Variants in ELFN2 observed in about 807,000 individuals in gnomAD.
ELFN2 encodes the protein extracellular leucine rich repeat and fibronectin type III domain containing 2.
Under a neutral mutation model 45.5 loss-of-function variants are expected in ELFN2, and 17 were observed. The ratio of observed to expected loss-of-function variants is 0.37; its 90% CI spans 0.26 to 0.56. The LOEUF (loss-of-function observed/expected upper bound fraction) is 0.56. ELFN2 is among the 20% of genes least tolerant of loss of function. The probability of loss-of-function intolerance (pLI) is 0.77; values close to 1 mark genes in which losing one functional copy is unlikely to be tolerated. For missense variants in ELFN2, 922 were observed against 1,183.2 expected (o/e 0.78, Z 3.24); for synonymous variants, 550 against 551.5 (o/e 1.00, Z 0.04).
Position 37,375,546 on chromosome 22 carries a change from C to G in ELFN2, c.-12G>C, listed in dbSNP as rs752854913. On this transcript the variant is annotated 5_prime_UTR_variant, in exon 3 of 3. Transcript: ENST00000402918. ...CCCAGGCGCAGCATGGCGCTGGCCT[C>G]GGAGTGAGGGGCCAGGGCAAGGCAG... The G allele has an allele frequency of 2.0e-6, 3 of 1,534,122 alleles. No individual in the cohort carries two copies. The highest frequency in any genetic ancestry group is 2.8e-5 in the African/African-American group (2 of 72,660).
intron 2 of ELFN2, among the ~76,000 whole-genome samples, chr22:37,416,692 G>C (rs909986922): frequency 2.6e-5 from 4 of 151,940 alleles, no homozygotes; most frequent in Non-Finnish European, 4.4e-5. Context: ...CCCGCCCACT[G>C]TGCCTCACTC....
intron 1 of ELFN2, among the ~76,000 whole-genome samples, chr22:37,423,725 T>C (rs1403876848): frequency 6.6e-6 from 1 of 152,178 alleles, no homozygotes; most frequent in Non-Finnish European, 1.5e-5. Context: ...AGCAGCATCG[T>C]GCAGCCAGCA....
intron 1 of ELFN2, among the ~76,000 whole-genome samples, chr22:37,424,632 GA>G (rs1601775799): frequency 6.6e-6 from 1 of 151,956 alleles, no homozygotes; most frequent in East Asian, 1.9e-4. Flanking sequence ...TACCCCTCGA[GA>G]AGGGGCTGGG....
At chr22:37,403,114 G>A (rs949614691) in intron 2 of ELFN2, among the ~76,000 whole-genome samples, 1 of 152,048 alleles carries the variant, frequency 6.6e-6, no homozygotes, top group Non-Finnish European at 1.5e-5. Flanking sequence ...ATCCCAAGCT[G>A]AGGCCACTTT....
rs1433376798 is a variant in ELFN2 at position 37,374,998 on chromosome 22, C to T, written c.537G>A (p.Val179=). ...TGAAGGGGTTGCCGGCCAGCTCACA[C>T]ACCATCAGGCTGGCGAGGCTGGCAA... ...ATFASLASLM[V]CELAGNPFNC... is the part of the protein sequence containing the mutation. Residue 179 remains valine, a synonymous_variant, in exon 3 of 3, where the codon GTG becomes GTA. Transcript: ENST00000402918. 1.2e-6 allele frequency: 2 copies of T among 1,613,400 alleles called. No individual in the cohort carries two copies. Among genetic ancestry groups the T allele is most frequent in the East Asian group, 2.2e-5 (1 of 44,888 alleles).
intron 2 of ELFN2, among the ~76,000 whole-genome samples, chr22:37,389,411 C>T (rs1314956112): frequency 6.6e-6 from 1 of 152,178 alleles, no homozygotes; most frequent in East Asian, 1.9e-4. Context: ...CCGTTACTCA[C>T]CAGCGATTAG....
chr22:37,373,606 A>G lies in ELFN2; in HGVS notation c.1929T>C (p.Phe643=). ...CCGGATGGTCGGGCACGTCCAGGCT[A>G]AAGACCTTGGCGCTCTTGATGGAAC... ...SSGSIKSAKV[F]SLDVPDHPAA... The change falls in exon 3 of 3, where the codon TTT becomes TTC. Residue 643 remains phenylalanine (F), a synonymous_variant. Coordinates refer to ENST00000402918, the MANE Select transcript of ELFN2 (RefSeq NM_052906.5). 1 of 1,607,210 alleles carries G rather than the reference A, an allele frequency of 6.2e-7. No homozygotes were observed. The highest frequency in any genetic ancestry group is 1.1e-5 in the South Asian group (1 of 90,288).
chr22:37,368,385 G>C lies in ELFN2; in HGVS notation c.*4687C>G, dbSNP rs1017305560. On this transcript the variant is annotated 3_prime_UTR_variant, in exon 3 of 3. Transcript: ENST00000402918. ...GAGTGGCAGAGGGGCAGAGGAAGGA[G>C]GAGCAGGCCCAGACCATCCTGCCCG... 1.3e-5 allele frequency: 2 copies of C among 152,456 alleles called. No homozygotes were observed. Among genetic ancestry groups the C allele is most frequent in the Non-Finnish European group, 2.9e-5 (2 of 68,234 alleles). The allele number at this position is 152,456 out of a possible 1,614,324, so 9.4% of individuals were successfully genotyped here.
At chr22:37,348,867 G>A (rs904619420) in intron 1 of ELFN2, among the ~76,000 whole-genome samples, 3 of 150,818 alleles carry the variant, frequency 2.0e-5, no homozygotes, top group African/African-American at 7.3e-5. Flanking sequence ...ATGATGGCTT[G>A]GTGGAGGTGG....
intron 1 of ELFN2, among the ~76,000 whole-genome samples, chr22:37,356,699 G>T (rs1472439018): frequency 4.6e-5 from 7 of 152,196 alleles, no homozygotes; most frequent in Admixed American, 4.6e-4. Context: ...CAATGACTCT[G>T]TGGGGTAGTA....
In ELFN2 at chr22:37,375,579, C is replaced by T; in HGVS notation, c.-45G>A. The stretch of plus-strand genomic sequence containing the variant: ...GGGGCCAGGGCAAGGCAGGGGGTGC[C>T]TAGCGGCCAGAGGCTGGGGCTGGCA... On this transcript the variant is annotated 5_prime_UTR_variant, in exon 3 of 3. It removes the in-frame stop codon of an upstream open reading frame in the 5' UTR. Coordinates refer to ENST00000402918, the MANE Select transcript of ELFN2 (RefSeq NM_052906.5). 2 of 1,490,654 alleles carry T rather than the reference C, an allele frequency of 1.3e-6. No individual in the cohort carries two copies. Among genetic ancestry groups the T allele is most frequent in the Non-Finnish European group, 1.8e-6 (2 of 1,120,106 alleles). 92.3% of individuals were successfully genotyped at this position (1,490,654 alleles called of 1,614,324 possible).
chr22:37,355,283 TTGCC>T (rs1385980775), intron 1 of ELFN2, among the ~76,000 whole-genome samples: 2 of 152,218 alleles, frequency 1.3e-5, no homozygotes, highest in Non-Finnish European at 2.9e-5. Context: ...CACTGGCCGT[TTGCC>T]TGTTCTGCTC....
At chr22:37,377,991 A>G (rs559807644) in intron 2 of ELFN2, among the ~76,000 whole-genome samples, 90 of 152,334 alleles carry the variant, frequency 5.9e-4, no homozygotes, top group Middle Eastern at 3.4e-3. Context: ...GCCACTTCAG[A>G]GATCCACGAG....
intron 2 of ELFN2, among the ~76,000 whole-genome samples, chr22:37,386,565 T>C (rs1253563997): frequency 4.6e-5 from 7 of 152,130 alleles, no homozygotes; most frequent in African/African-American, 1.7e-4. Context: ...GAGACCAGCT[T>C]TCTCCAGAGG....
At chr22:37,406,508 C>T (rs548234835) in intron 2 of ELFN2, among the ~76,000 whole-genome samples, 3 of 152,256 alleles carry the variant, frequency 2.0e-5, no homozygotes, top group African/African-American at 4.8e-5. Flanking sequence ...TCCATGCCAC[C>T]CCCCACTCCC....
At chr22:37,355,354 C>G (rs756765089) in intron 1 of ELFN2, among the ~76,000 whole-genome samples, 3 of 152,220 alleles carry the variant, frequency 2.0e-5, no homozygotes, top group East Asian at 1.9e-4. Flanking sequence ...TGGCCGGGCC[C>G]GAGGCCACCT....
At chr22:37,383,200 A>G (rs1931836748) in intron 2 of ELFN2, among the ~76,000 whole-genome samples, 1 of 152,154 alleles carries the variant, frequency 6.6e-6, no homozygotes, top group Non-Finnish European at 1.5e-5. Context: ...GATCAGCTCC[A>G]GAAGCCTCCA....
At chr22:37,341,457 A>AGAG (rs148777712) in intron 2 of ELFN2, among the ~76,000 whole-genome samples, 7,779 of 152,234 alleles carry the variant, frequency 0.051, 236 homozygotes, top group Middle Eastern at 0.14. Context: ...GCCTGGGTCT[A>AGAG]GAGGAGGGAA....
At chr22:37,350,596 G>A (rs762421517) in intron 1 of ELFN2, among the ~76,000 whole-genome samples, 1 of 150,352 alleles carries the variant, frequency 6.7e-6, no homozygotes, top group Non-Finnish European at 1.5e-5. Flanking sequence ...TCCCCTCCCC[G>A]GGCCTGGTCC....
Sources: gnomAD v4.1 joint callset for allele counts (sites outside exome capture counted in the v4.1 genomes callset) on GRCh38, gnomAD v4.1.1 for gene constraint, MANE v1.5 for transcripts, NCBI Gene and HGNC (gene_info 2026-07-23, HGNC 2026-07-21) for gene names.